The following LNPK variants were observed in gnomAD, a reference collection of about 807,000 sequenced individuals.
LNPK encodes the protein endoplasmic reticulum junction formation protein lunapark.
In LNPK, 29 loss-of-function variants were observed where a neutral mutation model predicts 55.2. The ratio of observed to expected loss-of-function variants is 0.53; its 90% CI spans 0.39 to 0.72. LNPK has a LOEUF of 0.72. LNPK is among the 30% of genes least tolerant of loss of function. LNPK has a pLI of 0.00. For missense variants in LNPK, 467 were observed against 494.8 expected, an observed-to-expected ratio of 0.94 and a Z score of 0.53; for synonymous variants, 162 against 168.2, an observed-to-expected ratio of 0.96 and a Z score of 0.29.
In LNPK at chr2:175,937,506, A is replaced by C. The variant is rs764249318; in HGVS notation, c.892T>G (p.Cys298Gly). ...GGGTTCAAGAAAAAACAGTAGGCACATCGAAAAGCTGCAGAGAATTTTTTA... is the reference window on the plus strand; with the variant it reads ...GGGTTCAAGAAAAAACAGTAGGCACCTCGAAAAGCTGCAGAGAATTTTTTA... ...KEEFEYIAFR[C>G]AYCFFLNPAR... is the part of the protein sequence containing the mutation. Residue 298 changes from cysteine to glycine, a missense_variant, in exon 12 of 13, where the codon TGT (cysteine) becomes GGT (glycine). Physicochemically the swap from Cys to Gly is radical, Grantham distance 159. Coordinates refer to ENST00000272748, the MANE Select transcript of LNPK (RefSeq NM_030650.3). 10 of 1,607,874 alleles carry C rather than the reference A, an allele frequency of 6.2e-6. No individual in the cohort carries two copies. The highest frequency in any genetic ancestry group is 8.5e-6 in the Non-Finnish European group (10 of 1,177,908).
intron 1 of LNPK, among the ~76,000 whole-genome samples, chr2:175,999,730 T>C (rs1377154879): frequency 1.3e-5 from 2 of 152,160 alleles, no homozygotes; most frequent in Non-Finnish European, 2.9e-5. Context: ...CAACAGGACC[T>C]GTCATGACCT....
chr2:175,935,041 G>A (rs1684472775), intron 12 of LNPK, among the ~76,000 whole-genome samples: 2 of 151,778 alleles, frequency 1.3e-5, no homozygotes, highest in South Asian at 4.2e-4. Flanking sequence ...CAGAATCCAG[G>A]CAAAACTTAA....
In LNPK at chr2:175,969,092, A is replaced by C. The variant is rs182003729; in HGVS notation, c.357+1672T>G. On this transcript the variant is annotated intron_variant, in intron 6 of 12. Coordinates refer to ENST00000272748, the MANE Select transcript of LNPK (RefSeq NM_030650.3). ...AGCTCTGTTAAAGGCTTGAACAGTC[A>C]AGATCACAAACTAGTTCGAGTAGCA... is the stretch of plus-strand genomic sequence containing the variant. Among the ~76,000 whole-genome samples the C allele has an allele frequency of 5.7e-3, 866 of 152,290 alleles. 9 individuals carry two copies. The highest frequency in any genetic ancestry group is 0.02 in the African/African-American group (814 of 41,562).
intron 4 of LNPK, among the ~76,000 whole-genome samples, chr2:175,985,019 GAGAA>G (rs1687339905): frequency 6.6e-6 from 1 of 152,326 alleles, no homozygotes; most frequent in Admixed American, 6.5e-5. Flanking sequence ...ATACTGCTCA[GAGAA>G]AGAAAGGAAT....
intron 6 of LNPK, among the ~76,000 whole-genome samples, chr2:175,964,930 T>C (rs1426449713): frequency 6.6e-6 from 1 of 152,174 alleles, no homozygotes; most frequent in Non-Finnish European, 1.5e-5. Context: ...TGACAGGCAA[T>C]TCCTCAGATT....
intron 4 of LNPK, among the ~76,000 whole-genome samples, chr2:175,985,715 G>A (rs1473354115): frequency 6.6e-6 from 1 of 152,118 alleles, no homozygotes; most frequent in Non-Finnish European, 1.5e-5. Flanking sequence ...TGTAGGTATA[G>A]GGATTTAATT....
chr2:175,994,664 C>A (rs1228059860), intron 2 of LNPK, among the ~76,000 whole-genome samples: 1 of 151,824 alleles, frequency 6.6e-6, no homozygotes, highest in Non-Finnish European at 1.5e-5. Context: ...GGATTGCAGG[C>A]GCCCACCACC....
intron 4 of LNPK, among the ~76,000 whole-genome samples, chr2:175,980,498 T>C (rs1250915426): frequency 6.6e-6 from 1 of 152,144 alleles, no homozygotes. Context: ...ATCAAATGAA[T>C]TGAAAGAATT....
chr2:175,958,572 T>C (rs1309749866), intron 8 of LNPK, among the ~76,000 whole-genome samples: 1 of 152,122 alleles, frequency 6.6e-6, no homozygotes, highest in Non-Finnish European at 1.5e-5. Flanking sequence ...TAGGTCACCA[T>C]CATCAAATAC....
chr2:175,970,402 C>G (rs1251714918), intron 6 of LNPK, among the ~76,000 whole-genome samples: 1 of 152,056 alleles, frequency 6.6e-6, no homozygotes, highest in African/African-American at 2.4e-5. Context: ...TTCTTGGTGT[C>G]AAGAAAACCT....
At chr2:175,956,337 T>G (rs1043004981) in intron 8 of LNPK, among the ~76,000 whole-genome samples, 3 of 151,356 alleles carry the variant, frequency 2.0e-5, no homozygotes, top group Non-Finnish European at 4.4e-5. Flanking sequence ...CTGATCATTC[T>G]CCCTATTTCA....
intron 8 of LNPK, among the ~76,000 whole-genome samples, chr2:175,959,021 A>C (rs531514631): frequency 6.6e-6 from 1 of 152,360 alleles, no homozygotes; most frequent in African/African-American, 2.4e-5. Flanking sequence ...TAGAGAGAAA[A>C]GAGTAAAAAG....
At chr2:175,985,128 T>C (rs1030992698) in intron 4 of LNPK, among the ~76,000 whole-genome samples, 1 of 152,202 alleles carries the variant, frequency 6.6e-6, no homozygotes, top group Non-Finnish European at 1.5e-5. Context: ...GTCCATCTTA[T>C]AACATTCTTG....
rs56037027 is a variant in LNPK, at chr2:175,951,584, C to CATATATATATATATATAT, written c.494-3910_494-3893dup. On this transcript the variant is annotated intron_variant, in intron 8 of 12. Coordinates refer to ENST00000272748, the MANE Select transcript of LNPK (RefSeq NM_030650.3). ...TATGGCTGAGTAGTATTCCATCATTCATATATATATATATATATATATATA... is the reference window on the plus strand; with the variant it reads ...TATGGCTGAGTAGTATTCCATCATTCATATATATATATATATATATATATATATATATATATATATATA... Among the ~76,000 whole-genome samples the CATATATATATATATATAT allele has an allele frequency of 6.4e-3, 579 of 90,500 alleles. 17 individuals are homozygous for CATATATATATATATATAT. The highest frequency in any genetic ancestry group is 0.017 in the Middle Eastern group (4 of 230). 59.4% of individuals were successfully genotyped at this position (90,500 alleles called of 152,430 possible). A position where few individuals can be genotyped will look rare whatever the true frequency, so the allele number is the denominator to read the frequency against.
intron 1 of LNPK, among the ~76,000 whole-genome samples, chr2:176,000,116 T>C (rs1559081328): frequency 6.6e-6 from 1 of 152,246 alleles, no homozygotes. Context: ...GAATGTTTTC[T>C]ACTAATGGCT....
At chr2:175,986,376 T>C (rs1185486195) in intron 4 of LNPK, among the ~76,000 whole-genome samples, 2 of 152,064 alleles carry the variant, frequency 1.3e-5, no homozygotes, top group East Asian at 3.9e-4. Context: ...TATAAATATA[T>C]ATTTGCCATC....
At chr2:175,977,470 C>T (rs935355892) in intron 5 of LNPK, among the ~76,000 whole-genome samples, 38 of 151,864 alleles carry the variant, frequency 2.5e-4, no homozygotes, top group African/African-American at 8.0e-4. Context: ...AAGCCAAAGG[C>T]AGAATTCTAG....
chr2:175,973,460 A>G (rs1686751850), intron 5 of LNPK, among the ~76,000 whole-genome samples: 1 of 152,234 alleles, frequency 6.6e-6, no homozygotes, highest in Non-Finnish European at 1.5e-5. Context: ...CTGTTGTTGA[A>G]TAATACAATG....
chr2:175,937,317 G>C, intron 12 of LNPK, 27 bp downstream of exon 12: 2 of 1,596,628 alleles, frequency 1.3e-6, no homozygotes, highest in South Asian at 1.1e-5. Context: ...TGTTATTAAG[G>C]GGCAAAACTG....
Sources: gnomAD v4.1 joint callset for allele counts (sites outside exome capture counted in the v4.1 genomes callset) on GRCh38, gnomAD v4.1.1 for gene constraint, MANE v1.5 for transcripts, NCBI Gene and HGNC (gene_info 2026-07-23, HGNC 2026-07-21) for gene names.